RCAN3: variants seen among roughly 807,000 people sequenced by gnomAD.
RCAN3 encodes the protein calcipressin-3.
Under a neutral mutation model 21.9 loss-of-function variants are expected in RCAN3, and 19 were observed. The observed-to-expected ratio is 0.87, with a 90% CI of 0.61 to 1.27. The LOEUF is 1.27. RCAN3 is among the 50% of genes most tolerant of loss of function. The pLI is 0.00. For missense variants in RCAN3, 240 were observed against 300.1 expected, an observed-to-expected ratio of 0.80 and a Z score of 1.48; for synonymous variants, 114 against 112.3, an observed-to-expected ratio of 1.01 and a Z score of -0.09.
At chr1:24,517,616 C>A (rs57031513) in intron 2 of RCAN3, among the ~76,000 whole-genome samples, 1 of 151,804 alleles carries the variant, frequency 6.6e-6, no homozygotes, top group Non-Finnish European at 1.5e-5. Context: ...TATTTAATAC[C>A]CTTAACAGTA....
chr1:24,512,775 G>A (rs1647990438), intron 1 of RCAN3, among the ~76,000 whole-genome samples: 1 of 152,174 alleles, frequency 6.6e-6, no homozygotes, highest in African/African-American at 2.4e-5. Context: ...TCCGCATCTT[G>A]AAATGTGTCA....
intron 4 of RCAN3, among the ~76,000 whole-genome samples, chr1:24,534,853 A>G (rs1237074992): frequency 1.3e-5 from 2 of 152,226 alleles, no homozygotes; most frequent in Non-Finnish European, 2.9e-5. Flanking sequence ...ATAAAACAAT[A>G]ATTAGCATTT....
At chr1:24,533,038 A>G (rs1333509354) in intron 3 of RCAN3, 45 bp from the exon 4 acceptor site, 12 of 1,349,106 alleles carry the variant, frequency 8.9e-6, no homozygotes, top group Non-Finnish European at 8.6e-6. Context: ...TGAAGAAAAC[A>G]TAGCCCGGTT....
intron 1 of RCAN3, among the ~76,000 whole-genome samples, chr1:24,509,237 C>T (rs1348280339): frequency 1.3e-5 from 2 of 152,156 alleles, no homozygotes; most frequent in African/African-American, 4.8e-5. Context: ...TTGATGGCTG[C>T]TGACTGATCA....
intron 1 of RCAN3, among the ~76,000 whole-genome samples, chr1:24,513,588 C>T (rs1297529294): frequency 6.6e-6 from 1 of 151,948 alleles, no homozygotes; most frequent in Non-Finnish European, 1.5e-5. Context: ...ACCCGGGAGG[C>T]GGAGGTTGCA....
chr1:24,524,847 T>TTTTG (rs1649134889), intron 2 of RCAN3, among the ~76,000 whole-genome samples: 1 of 142,288 alleles, frequency 7.0e-6, no homozygotes. Flanking sequence ...TTTTTTTTTT[T>TTTTG]GAGACAGGGT....
At position 24,535,394 on chromosome 1, in the gene RCAN3, A is replaced by G; in HGVS notation, c.*117A>G. 1 of 1,163,628 alleles carries G rather than the reference A, an allele frequency of 8.6e-7. No homozygotes were observed. Among genetic ancestry groups the G allele is most frequent in the Middle Eastern group, 3.0e-4 (1 of 3,346 alleles). 72.1% of individuals were successfully genotyped at this position (1,163,628 alleles called of 1,614,324 possible). ...GGTGAGACTCTGCCGAGTGAGGTATAGGTCTTCTCACCACGCCTGTACTGC... is the reference window on the plus strand; with the variant it reads ...GGTGAGACTCTGCCGAGTGAGGTATGGGTCTTCTCACCACGCCTGTACTGC... On this transcript the variant is annotated 3_prime_UTR_variant, in exon 5 of 5. Transcript: ENST00000374395.
At chr1:24,509,966 T>C (rs779629061) in intron 1 of RCAN3, among the ~76,000 whole-genome samples, 86 of 152,162 alleles carry the variant, frequency 5.7e-4, no homozygotes, top group Non-Finnish European at 1.2e-3. Flanking sequence ...TTCATCTCCC[T>C]GTATATTTCT....
chr1:24,518,401 G>A (rs972304822), intron 2 of RCAN3, among the ~76,000 whole-genome samples: 1 of 152,114 alleles, frequency 6.6e-6, no homozygotes, highest in Non-Finnish European at 1.5e-5. Context: ...AAAATAGGTG[G>A]AGAAAAGGAC....
chr1:24,534,396 A>C (rs547354171), intron 4 of RCAN3, among the ~76,000 whole-genome samples: 2 of 152,288 alleles, frequency 1.3e-5, no homozygotes, highest in Admixed American at 1.3e-4. Context: ...TGGGGTCAGG[A>C]GATCGAGACC....
chr1:24,533,668 C>T (rs996148808), intron 4 of RCAN3, among the ~76,000 whole-genome samples: 7 of 152,244 alleles, frequency 4.6e-5, no homozygotes, highest in African/African-American at 1.2e-4. Context: ...GGCATGGTGG[C>T]GTACGCCTAT....
In RCAN3 at chr1:24,524,187, G is replaced by A. The variant is rs1024887000; in HGVS notation, c.196-7031G>A. 3.3e-5 allele frequency among the ~76,000 whole-genome samples: 5 copies of A among 152,120 alleles called. No individual in the cohort carries two copies. In the South Asian group the frequency reaches 6.2e-4, roughly 19 times the overall value. On this transcript the variant is annotated intron_variant, in intron 2 of 4. Coordinates refer to ENST00000374395, the MANE Select transcript of RCAN3 (RefSeq NM_013441.4). ...AGAGGTTGCAGAGAGCCAAGATCGC[G>A]CCACTTCACTCCAGCCTGAGAGACT...
intron 2 of RCAN3, among the ~76,000 whole-genome samples, chr1:24,526,176 C>T (rs866710378): frequency 5.9e-5 from 9 of 152,110 alleles, no homozygotes; most frequent in Non-Finnish European, 1.2e-4. Flanking sequence ...ACTGCGGCCT[C>T]GAACTCCTGG....
rs1349407131 is a variant in RCAN3 at position 24,536,379 on chromosome 1, G to C, written c.*1102G>C. The C allele has an allele frequency of 6.6e-6, 1 of 152,136 alleles. No individual in the cohort carries two copies. The highest frequency in any genetic ancestry group is 1.5e-5 in the Non-Finnish European group (1 of 68,014). The allele number at this position is 152,136 out of a possible 1,614,324, so 9.4% of individuals were successfully genotyped here. The stretch of plus-strand genomic sequence containing the variant: ...ATTCAGTTTTACTTTTCTTTTTGTT[G>C]AAATTTTGTACCCGGATTGCAGTTG... On this transcript the variant is annotated 3_prime_UTR_variant, in exon 5 of 5. Coordinates refer to ENST00000374395, the MANE Select transcript of RCAN3 (RefSeq NM_013441.4).
chr1:24,540,969 C>T lies in RCAN3; in HGVS notation c.*5692C>T, dbSNP rs1311344169. On this transcript the variant is annotated 3_prime_UTR_variant, in exon 5 of 5. Transcript: ENST00000374395. ...GCAGAATGTAATTTTTTTTTGGAAG[C>T]TTCGTGATTACCTGTAACAAGTTCT... 2.0e-5 allele frequency: 3 copies of T among 152,008 alleles called. No homozygotes were observed. The highest frequency in any genetic ancestry group is 1.5e-5 in the Non-Finnish European group (1 of 67,996). The allele number at this position is 152,008 out of a possible 1,614,324, so 9.4% of individuals were successfully genotyped here. A position where few individuals can be genotyped will look rare whatever the true frequency, so the allele number is the denominator to read the frequency against.
intron 2 of RCAN3, among the ~76,000 whole-genome samples, chr1:24,527,946 CTTTCTT>C (rs1448704374): frequency 1.3e-5 from 2 of 152,066 alleles, no homozygotes; most frequent in African/African-American, 4.8e-5. Flanking sequence ...ATATTGCTCT[CTTTCTT>C]TTTCTCTAGT....
rs534363534 is a variant in RCAN3 at position 24,531,346 on chromosome 1, C to T, written c.324C>T (p.His108=). Residue 108 remains histidine, a synonymous_variant, in exon 3 of 5, where the codon CAC becomes CAT. Transcript: ENST00000374395. The part of the protein sequence containing the change: ...EAAARARIEL[H]ETDFNGQKLK... The stretch of plus-strand genomic sequence containing the variant: ...CAGCAAGAGCGCGAATAGAACTCCA[C>T]GAAACAGACTTCAATGGGCAGAAGC... 1.1e-4 allele frequency: 173 copies of T among 1,613,702 alleles called. 1 individual carries two copies. Among genetic ancestry groups the T allele is most frequent in the South Asian group, 2.3e-4 (21 of 91,030 alleles).
At chr1:24,529,544 G>GTC (rs1406639285) in intron 2 of RCAN3, among the ~76,000 whole-genome samples, 2 of 127,920 alleles carry the variant, frequency 1.6e-5, no homozygotes, top group Non-Finnish European at 3.3e-5. Context: ...GAGAGACTCT[G>GTC]TCTCTCTTTT....
At chr1:24,531,494 G>T (rs1649758077) in intron 3 of RCAN3, 103 bp downstream of exon 3, 4 of 733,578 alleles carry the variant, frequency 5.5e-6, no homozygotes, top group Non-Finnish European at 8.0e-6. Context: ...GAGGTGTGTA[G>T]AGTGAACCAT....
Sources: allele counts gnomAD v4.1 joint callset (sites outside exome capture counted in the v4.1 genomes callset), GRCh38; gene constraint gnomAD v4.1.1; transcripts MANE v1.5; gene names NCBI Gene and HGNC (gene_info 2026-07-23, HGNC 2026-07-21).